Variants in XKR4 observed in about 807,000 individuals in gnomAD.
XKR4 encodes the protein XK related 4.
A neutral mutation model predicts 53.9 loss-of-function variants in XKR4; 12 were observed. The observed-to-expected ratio is 0.22, with a 90% CI of 0.14 to 0.36. The LOEUF (loss-of-function observed/expected upper bound fraction) is 0.36, where lower values mean the gene tolerates loss of function less well. XKR4 is among the 10% of genes least tolerant of loss of function. The pLI is 1.00. For synonymous variants in XKR4, 354 were observed against 362.4 expected, an observed-to-expected ratio of 0.98 and a Z score of 0.26; for missense variants, 799 against 859.5, an observed-to-expected ratio of 0.93 and a Z score of 0.88.
intron 1 of XKR4, among the ~76,000 whole-genome samples, chr8:55,209,172 C>T (rs1018287095): frequency 5.3e-5 from 8 of 150,636 alleles, no homozygotes; most frequent in East Asian, 3.9e-4. Flanking sequence ...ACACAATGAA[C>T]GTGGCCCCAA....
intron 2 of XKR4, among the ~76,000 whole-genome samples, chr8:55,389,887 C>A (rs1314126132): frequency 6.6e-6 from 1 of 152,154 alleles, no homozygotes; most frequent in Non-Finnish European, 1.5e-5. Flanking sequence ...TACTGGAGCC[C>A]ACACAGCTAA....
intron 2 of XKR4, among the ~76,000 whole-genome samples, chr8:55,471,139 A>G (rs893143820): frequency 2.6e-5 from 4 of 152,152 alleles, no homozygotes; most frequent in Admixed American, 2.6e-4. Flanking sequence ...GCCACATTTA[A>G]AGTGTTCAGT....
chr8:55,311,829 C>CAAAAAAAAA (rs57826022), intron 1 of XKR4, among the ~76,000 whole-genome samples: 5 of 98,604 alleles, frequency 5.1e-5, no homozygotes, highest in African/African-American at 1.9e-4. Flanking sequence ...TGTAATTTAG[C>CAAAAAAAAA]AAAAAAAAAA....
intron 2 of XKR4, among the ~76,000 whole-genome samples, chr8:55,406,926 A>G (rs1804692599): frequency 1.3e-5 from 2 of 152,256 alleles, no homozygotes. Context: ...ATATTCAATA[A>G]GTACATTGTT....
At chr8:55,155,538 A>G (rs1816895128) in intron 1 of XKR4, among the ~76,000 whole-genome samples, 1 of 151,852 alleles carries the variant, frequency 6.6e-6, no homozygotes. Context: ...GGAATTTAAG[A>G]TAAGGTAGAA....
intron 1 of XKR4, among the ~76,000 whole-genome samples, chr8:55,242,352 C>T (rs1818221839): frequency 6.6e-6 from 1 of 152,136 alleles, no homozygotes; most frequent in Non-Finnish European, 1.5e-5. Flanking sequence ...TCTACAGCAG[C>T]CTTATCTCAG....
intron 2 of XKR4, among the ~76,000 whole-genome samples, chr8:55,430,585 A>G (rs1027858705): frequency 6.6e-6 from 1 of 152,220 alleles, no homozygotes; most frequent in East Asian, 1.9e-4. Context: ...GATTGTATCA[A>G]TATTAATACT....
At chr8:55,458,714 C>T (rs1805606806) in intron 2 of XKR4, among the ~76,000 whole-genome samples, 2 of 152,194 alleles carry the variant, frequency 1.3e-5, no homozygotes, top group African/African-American at 4.8e-5. Flanking sequence ...CTCTGAGGTC[C>T]TACTGTCAAG....
At chr8:55,326,124 G>A (rs1803288248) in intron 1 of XKR4, among the ~76,000 whole-genome samples, 1 of 152,154 alleles carries the variant, frequency 6.6e-6, no homozygotes, top group South Asian at 2.1e-4. Flanking sequence ...ACCTGATAAT[G>A]AGGGGTATTT....
chr8:55,460,611 T>C (rs542485879), intron 2 of XKR4, among the ~76,000 whole-genome samples: 1 of 152,140 alleles, frequency 6.6e-6, no homozygotes, highest in Non-Finnish European at 1.5e-5. Flanking sequence ...TTCATCTCAC[T>C]AGGGAGTGCC....
At position 55,265,893 on chromosome 8, in the gene XKR4, G is replaced by A. The variant is rs573124194; in HGVS notation, c.807-91785G>A. On this transcript the variant is annotated intron_variant, in intron 1 of 2. Coordinates refer to ENST00000327381, the MANE Select transcript of XKR4 (RefSeq NM_052898.2). ...CCAGCTACTTGGGAGGCTGAGGCAG[G>A]AGAATCGCTTGAACCTGGGAGGCAG... 1.5e-3 allele frequency among the ~76,000 whole-genome samples: 233 copies of A among 152,074 alleles called. No homozygotes were observed. The Middle Eastern group carries it at 0.017, about 11-fold the overall frequency.
At chr8:55,243,453 T>G (rs1336998983) in intron 1 of XKR4, among the ~76,000 whole-genome samples, 1 of 152,252 alleles carries the variant, frequency 6.6e-6, no homozygotes, top group African/African-American at 2.4e-5. Context: ...ACTATTAATA[T>G]GCATCTAAGT....
chr8:55,287,445 A>G lies in XKR4; in HGVS notation c.807-70233A>G, dbSNP rs77215437. 2.2e-4 allele frequency among the ~76,000 whole-genome samples: 33 copies of G among 152,348 alleles called. No homozygotes were observed. The East Asian group carries it at 6.2e-3, about 28-fold the overall frequency. ...ACATGCTATGCTGGTGAGCGTACCC[A>G]TTAGGAATCCCAATATCCAAGATGT... On this transcript the variant is annotated intron_variant, in intron 1 of 2. Transcript: ENST00000327381.
chr8:55,481,812 C>T (rs1221759660), intron 2 of XKR4, among the ~76,000 whole-genome samples: 2 of 151,988 alleles, frequency 1.3e-5, no homozygotes, highest in African/African-American at 4.8e-5. Context: ...TCATCACTGG[C>T]CATCAGAGAA....
chr8:55,170,402 C>A (rs75088802), intron 1 of XKR4, among the ~76,000 whole-genome samples: 2,205 of 152,174 alleles, frequency 0.014, 35 homozygotes, highest in Middle Eastern at 0.02. Flanking sequence ...CACAGGCATG[C>A]TGTGGAGATG....
chr8:55,306,734 G>A (rs888832455), intron 1 of XKR4, among the ~76,000 whole-genome samples: 1 of 152,178 alleles, frequency 6.6e-6, no homozygotes, highest in Admixed American at 6.5e-5. Flanking sequence ...TGGGGACGCA[G>A]CCTGACCTTA....
chr8:55,363,922 A>T (rs1364383431), intron 2 of XKR4, among the ~76,000 whole-genome samples: 1 of 152,210 alleles, frequency 6.6e-6, no homozygotes, highest in African/African-American at 2.4e-5. Context: ...TGTACTAAAG[A>T]AGTTCACTTT....
Position 55,530,679 on chromosome 8 carries a change from A to G in XKR4, c.*6452A>G, listed in dbSNP as rs1322313119. 1 of 152,246 alleles carries G rather than the reference A, an allele frequency of 6.6e-6. No homozygotes were observed. Among genetic ancestry groups the G allele is most frequent in the African/African-American group, 2.4e-5 (1 of 41,474 alleles). 9.4% of individuals were successfully genotyped at this position (152,246 alleles called of 1,614,324 possible). ...GTAGTGTATTAAAATACAAGTAACT[A>G]TCTTCCTACTTTGATTTAAGAGATC... On this transcript the variant is annotated 3_prime_UTR_variant, in exon 3 of 3. Transcript: ENST00000327381.
At chr8:55,452,749 A>T (rs1805473771) in intron 2 of XKR4, 3 of 873,376 alleles carry the variant, frequency 3.4e-6, no homozygotes, top group Middle Eastern at 2.2e-4. Context: ...CTGTCCTCAA[A>T]GCCGCTCCCC....
Sources: allele counts gnomAD v4.1 joint callset (sites outside exome capture counted in the v4.1 genomes callset), GRCh38; gene constraint gnomAD v4.1.1; transcripts MANE v1.5; gene names NCBI Gene and HGNC (gene_info 2026-07-23, HGNC 2026-07-21).